The following TTC17 variants were observed in gnomAD, a reference collection of about 807,000 sequenced individuals.
TTC17 encodes the protein tetratricopeptide repeat protein 17.
In TTC17, 58 loss-of-function variants were observed where a neutral mutation model predicts 143.8. The ratio of observed to expected loss-of-function variants is 0.40; its 90% CI spans 0.33 to 0.50. The LOEUF (loss-of-function observed/expected upper bound fraction) is 0.50, where lower values mean the gene tolerates loss of function less well. Among genes scored for constraint, TTC17 ranks in the 20% least tolerant of loss-of-function variants. TTC17 has a pLI of 0.49. For missense variants in TTC17, 1,273 were observed against 1,392.5 expected, an observed-to-expected ratio of 0.91 and a Z score of 1.37; for synonymous variants, 501 against 497.8, an observed-to-expected ratio of 1.01 and a Z score of -0.09.
intron 21 of TTC17, among the ~76,000 whole-genome samples, chr11:43,478,639 CATCT>C (rs1224901488): frequency 6.6e-6 from 1 of 151,996 alleles, no homozygotes; most frequent in Non-Finnish European, 1.5e-5. Context: ...ACAGGGTCTC[CATCT>C]GTCACCCAGG....
intron 21 of TTC17, among the ~76,000 whole-genome samples, chr11:43,479,940 C>T (rs1299601010): frequency 2.0e-5 from 3 of 152,056 alleles, no homozygotes; most frequent in Non-Finnish European, 4.4e-5. Context: ...GCTTAAAGAA[C>T]CTGGAGACTA....
chr11:43,477,530 T>G (rs1948207346), intron 21 of TTC17, among the ~76,000 whole-genome samples: 1 of 152,140 alleles, frequency 6.6e-6, no homozygotes. Flanking sequence ...ACTTCTTACA[T>G]GGTGGTGGCA....
intron 10 of TTC17, 85 bp downstream of exon 10, chr11:43,401,643 T>G: frequency 1.1e-6 from 1 of 926,242 alleles, no homozygotes; most frequent in Non-Finnish European, 1.6e-6. Context: ...CTTGATTCTT[T>G]GTATATTTGA....
In TTC17 at chr11:43,407,420, C is replaced by A. The variant is rs1858194128; in HGVS notation, c.1907C>A (p.Thr636Asn). Reference sequence around the variant, plus strand: ...TACTGGAGAGCAGTAGGAAATAGCACTTTTGCTATTGCCTGTCTTCAGAGG... The same window carrying A: ...TACTGGAGAGCAGTAGGAAATAGCAATTTTGCTATTGCCTGTCTTCAGAGG... The part of the protein sequence containing the change: ...GLYWRAVGNS[T>N]FAIACLQRAL... The change falls in exon 15 of 24, where the codon ACT becomes AAT. Residue 636 changes from threonine (T) to asparagine (N), a missense_variant. By Grantham distance (65) the Thr-to-Asn change is moderately conservative. Transcript: ENST00000039989. 1.2e-6 allele frequency: 2 copies of A among 1,613,896 alleles called. No individual in the cohort carries two copies. The highest frequency in any genetic ancestry group is 1.7e-6 in the Non-Finnish European group (2 of 1,179,994).
chr11:43,464,048 G>T (rs898325683), intron 21 of TTC17, among the ~76,000 whole-genome samples: 1 of 152,194 alleles, frequency 6.6e-6, no homozygotes, highest in South Asian at 2.1e-4. Context: ...GGCTGAGGCG[G>T]GTGGATCACC....
intron 5 of TTC17, chr11:43,396,092 A>G (rs1857580022): frequency 6.6e-6 from 1 of 152,138 alleles, no homozygotes; most frequent in African/African-American, 2.4e-5. Context: ...TAAAGTTAAT[A>G]ATATTCAGTA....
intron 3 of TTC17, 45 bp from the exon 4 acceptor site, chr11:43,391,419 TG>T: frequency 8.2e-7 from 1 of 1,213,700 alleles, no homozygotes; most frequent in South Asian, 1.3e-5. Flanking sequence ...AATAAAATAT[TG>T]TTTATCTCAC....
chr11:43,394,344 T>C (rs559606438), intron 5 of TTC17, among the ~76,000 whole-genome samples: 2 of 152,204 alleles, frequency 1.3e-5, no homozygotes, highest in Admixed American at 1.3e-4. Context: ...TGTATTGCAA[T>C]TAATAGTTGA....
intron 2 of TTC17, among the ~76,000 whole-genome samples, chr11:43,384,933 A>T (rs1360102490): frequency 6.6e-6 from 1 of 152,218 alleles, no homozygotes; most frequent in African/African-American, 2.4e-5. Flanking sequence ...TGTCTCAGGC[A>T]AAATAAGAGC....
Position 43,407,368 on chromosome 11 carries a change from T to C in TTC17, c.1855T>C (p.Trp619Arg), listed in dbSNP as rs923302430. The change falls in exon 15 of 24, where the codon TGG becomes CGG. Residue 619 changes from tryptophan (W) to arginine (R), a missense_variant. By Grantham distance (101) the Trp-to-Arg change is moderately radical (BLOSUM62 -3). Coordinates refer to ENST00000039989, the MANE Select transcript of TTC17 (RefSeq NM_018259.6). ...HAINKPNAPI[W>R]LILNEAGLYW... ...GATTTTTCAGCCAAATGCTCCTATC[T>C]GGCTCATACTCAATGAAGCTGGACT... The C allele has an allele frequency of 9.3e-6, 15 of 1,613,582 alleles. No individual in the cohort carries two copies. In the Admixed American group the frequency reaches 2.5e-4, roughly 27 times the overall value.
intron 16 of TTC17, among the ~76,000 whole-genome samples, chr11:43,423,015 G>A (rs1158944833): frequency 1.3e-5 from 2 of 152,186 alleles, no homozygotes; most frequent in East Asian, 3.8e-4. Context: ...TTCTTGAGTA[G>A]ACAGGAGGGG....
At chr11:43,428,449 G>C (rs1473473465) in intron 16 of TTC17, among the ~76,000 whole-genome samples, 1 of 152,114 alleles carries the variant, frequency 6.6e-6, no homozygotes, top group Non-Finnish European at 1.5e-5. Context: ...ATTTATAACT[G>C]CTGAAAGCCT....
intron 16 of TTC17, among the ~76,000 whole-genome samples, chr11:43,417,697 G>A (rs554946668): frequency 3.0e-4 from 46 of 152,226 alleles, no homozygotes; most frequent in South Asian, 1.5e-3. Context: ...TTAGCTGGGC[G>A]TGATAGCGGG....
At chr11:43,471,807 A>G (rs185238783) in intron 21 of TTC17, among the ~76,000 whole-genome samples, 22 of 152,338 alleles carry the variant, frequency 1.4e-4, no homozygotes, top group African/African-American at 5.1e-4. Context: ...AAACATGTAT[A>G]ATTAAAGGAA....
At chr11:43,463,874 A>G (rs1405507637) in intron 21 of TTC17, among the ~76,000 whole-genome samples, 1 of 152,260 alleles carries the variant, frequency 6.6e-6, no homozygotes, top group African/African-American at 2.4e-5. Flanking sequence ...AACCAATGGG[A>G]AAGAATAAAA....
At chr11:43,359,261 T>A (rs1229696823) in intron 1 of TTC17, 148 bp downstream of exon 1, 1 of 1,017,672 alleles carries the variant, frequency 9.8e-7, no homozygotes, top group Admixed American at 4.0e-5. Flanking sequence ...ACTCCCTGCA[T>A]TCGGACCAGG....
At chr11:43,483,002 G>A (rs893825478) in intron 21 of TTC17, among the ~76,000 whole-genome samples, 2 of 151,922 alleles carry the variant, frequency 1.3e-5, no homozygotes, top group Non-Finnish European at 1.5e-5. Context: ...TCAAGAAAAA[G>A]GGCAAAACAA....
At chr11:43,423,921 A>C (rs1265337914) in intron 16 of TTC17, among the ~76,000 whole-genome samples, 1 of 152,132 alleles carries the variant, frequency 6.6e-6, no homozygotes, top group Non-Finnish European at 1.5e-5. Flanking sequence ...AACATTAATA[A>C]ATTTTAGAAT....
At chr11:43,488,536 TATTA>T (rs1040208190) in intron 21 of TTC17, among the ~76,000 whole-genome samples, 6 of 151,574 alleles carry the variant, frequency 4.0e-5, no homozygotes, top group Non-Finnish European at 5.9e-5. Context: ...AGAGGTGAAT[TATTA>T]ATTAAATTTT....
Sources: allele counts gnomAD v4.1 joint callset (sites outside exome capture counted in the v4.1 genomes callset), GRCh38; gene constraint gnomAD v4.1.1; transcripts MANE v1.5; gene names NCBI Gene and HGNC (gene_info 2026-07-23, HGNC 2026-07-21).